Variants in FAM184A observed in about 807,000 individuals in gnomAD.
The protein encoded by FAM184A is family with sequence similarity 184 member A.
FAM184A carries 99 observed loss-of-function variants against 143.8 expected under a neutral mutation model. That is an observed-to-expected ratio of 0.69 (90% confidence interval 0.58 to 0.81). FAM184A has a LOEUF of 0.81. FAM184A is among the 40% of genes least tolerant of loss of function. FAM184A has a pLI of 0.00. For synonymous variants in FAM184A, 427 were observed against 446.4 expected (o/e 0.96, Z 0.55); for missense variants, 1,217 against 1,310.5 (o/e 0.93, Z 1.10).
At chr6:118,976,172 G>GATT in intron 11 of FAM184A, 128 bp from the exon 12 acceptor site, 1 of 817,304 alleles carries the variant, frequency 1.2e-6, no homozygotes. Flanking sequence ...TAAATTAATA[G>GATT]ATTATAAACT....
chr6:118,998,156 G>T (rs1784631117), intron 9 of FAM184A, among the ~76,000 whole-genome samples: 1 of 152,146 alleles, frequency 6.6e-6, no homozygotes. Context: ...TGTCTCAGAT[G>T]ATGATTTCCT....
At chr6:119,030,634 A>G (rs1486106164) in intron 1 of FAM184A, among the ~76,000 whole-genome samples, 1 of 152,004 alleles carries the variant, frequency 6.6e-6, no homozygotes, top group Non-Finnish European at 1.5e-5. Context: ...TTAAAAATAT[A>G]TATGTAAGGC....
intron 1 of FAM184A, among the ~76,000 whole-genome samples, chr6:119,110,716 A>T (rs556029954): frequency 6.6e-6 from 1 of 152,298 alleles, no homozygotes; most frequent in South Asian, 2.1e-4. Flanking sequence ...AATTTCAAGC[A>T]CTCAGATACT....
intron 5 of FAM184A, among the ~76,000 whole-genome samples, chr6:119,014,610 A>G (rs937938801): frequency 2.0e-5 from 3 of 152,264 alleles, no homozygotes; most frequent in Non-Finnish European, 4.4e-5. Context: ...ATGAAGAGAC[A>G]GCTCAAGAAC....
At chr6:119,028,246 C>G (rs141895845) in intron 1 of FAM184A, among the ~76,000 whole-genome samples, 2 of 152,206 alleles carry the variant, frequency 1.3e-5, no homozygotes, top group African/African-American at 4.8e-5. Flanking sequence ...TGTGTTTTCA[C>G]TGTGCCAGTT....
chr6:119,108,309 C>A (rs1788842710), intron 1 of FAM184A, among the ~76,000 whole-genome samples: 1 of 152,080 alleles, frequency 6.6e-6, no homozygotes, highest in Non-Finnish European at 1.5e-5. Flanking sequence ...GAGATTGGAG[C>A]ACCTGTCTGG....
At position 119,022,084 on chromosome 6, in the gene FAM184A, A is replaced by G. The variant is rs1221486641; in HGVS notation, c.1150+861T>C. Reference sequence around the variant, plus strand: ...TTTTTTTTTTTTTTTTTTTTGATACAGCCTTGCTCTGTTGCTCAGGCTGAA... The same window carrying G: ...TTTTTTTTTTTTTTTTTTTTGATACGGCCTTGCTCTGTTGCTCAGGCTGAA... On this transcript the variant is annotated intron_variant, in intron 3 of 17. Coordinates refer to ENST00000338891, the MANE Select transcript of FAM184A (RefSeq NM_024581.6). Among the ~76,000 whole-genome samples, 18 of 114,052 alleles carry G rather than the reference A, an allele frequency of 1.6e-4. No homozygotes were observed. The Admixed American group carries it at 2.1e-3, about 14-fold the overall frequency. The allele number at this position is 114,052 out of a possible 152,430, so 74.8% of individuals were successfully genotyped here. A position where few individuals can be genotyped will look rare whatever the true frequency, so the allele number is the denominator to read the frequency against.
rs1429469656 is a variant in FAM184A, at chr6:118,974,616, TC to T, written c.2769-43del. ...TAGTTAAGAAAATGTTATTCTGAAG[TC>T]AAGCTTTCAAAACTTTCTATTATTC... On this transcript the variant is annotated intron_variant, in intron 13 of 17. Coordinates refer to ENST00000338891, the MANE Select transcript of FAM184A (RefSeq NM_024581.6). 5 of 1,510,382 alleles carry T rather than the reference TC, an allele frequency of 3.3e-6. No individual in the cohort carries two copies. In the South Asian group the frequency reaches 6.4e-5, roughly 19 times the overall value. 93.6% of individuals were successfully genotyped at this position (1,510,382 alleles called of 1,614,324 possible).
chr6:119,033,724 G>A (rs1284357693), intron 1 of FAM184A, among the ~76,000 whole-genome samples: 1 of 150,286 alleles, frequency 6.7e-6, no homozygotes, highest in Non-Finnish European at 1.5e-5. Flanking sequence ...CACTGCGGTG[G>A]CTCACACCTG....
At chr6:118,974,725 A>T (rs1783797320) in intron 13 of FAM184A, 151 bp from the exon 14 acceptor site, 1 of 664,262 alleles carries the variant, frequency 1.5e-6, no homozygotes, top group African/African-American at 1.9e-5. Context: ...TTTCTGCTAT[A>T]AGCTTCTGGC....
chr6:119,026,859 G>A (rs1019300161), intron 1 of FAM184A, among the ~76,000 whole-genome samples: 19 of 152,072 alleles, frequency 1.2e-4, no homozygotes, highest in African/African-American at 4.6e-4. Context: ...AAATGCCCCT[G>A]TAAAGCTGCC....
rs756285867 is a variant in FAM184A, at chr6:119,006,450, C to T, written c.1812G>A (p.Val604=). Residue 604 remains valine, a synonymous_variant, in exon 7 of 18, where the codon GTG becomes GTA. Transcript: ENST00000338891. ...LKETKDALLN[V]EGELEQERQQ... Reference sequence around the variant, plus strand: ...TGCAGTAGAATTATGAAATTACCTCCACATTTAATAGAGCATCCTTGGTCT... The same window carrying T: ...TGCAGTAGAATTATGAAATTACCTCTACATTTAATAGAGCATCCTTGGTCT... The T allele has an allele frequency of 6.2e-7, 1 of 1,604,262 alleles. No homozygotes were observed. The highest frequency in any genetic ancestry group is 1.3e-5 in the African/African-American group (1 of 74,548).
At chr6:118,975,408 A>G (rs1363691414) in intron 12 of FAM184A, among the ~76,000 whole-genome samples, 200 bp from the exon 13 acceptor site, 1 of 152,246 alleles carries the variant, frequency 6.6e-6, no homozygotes, top group Non-Finnish European at 1.5e-5. Flanking sequence ...ATATAGCTTC[A>G]ATAATGTCAG....
At chr6:119,087,497 C>T (rs1179402545) in intron 1 of FAM184A, among the ~76,000 whole-genome samples, 1 of 152,138 alleles carries the variant, frequency 6.6e-6, no homozygotes, top group African/African-American at 2.4e-5. Context: ...ATGGTCAAAA[C>T]ATCACTAATT....
intron 14 of FAM184A, 44 bp from the exon 15 acceptor site, chr6:118,966,996 C>T: frequency 1.1e-6 from 1 of 932,838 alleles, no homozygotes; most frequent in Non-Finnish European, 1.7e-6. Flanking sequence ...CACTCAGATA[C>T]ATTCTTCTGT....
In FAM184A at chr6:119,078,329, G is replaced by A; in HGVS notation, c.-30C>T. ...CCAACAGACCCCAGCCGGGGCACCTGTCCCCGCGGGTGGAGGCAGGCCCGT... is the reference window on the plus strand; with the variant it reads ...CCAACAGACCCCAGCCGGGGCACCTATCCCCGCGGGTGGAGGCAGGCCCGT... On this transcript the variant is annotated 5_prime_UTR_variant, in exon 1 of 18. Transcript: ENST00000338891. The surrounding 1 kb of genome is among the most constrained non-coding windows in gnomAD (Gnocchi z 5.5). 1.6e-5 allele frequency: 23 copies of A among 1,422,374 alleles called. No individual in the cohort carries two copies. The highest frequency in any genetic ancestry group is 2.1e-5 in the Non-Finnish European group (23 of 1,093,386). 88.1% of individuals were successfully genotyped at this position (1,422,374 alleles called of 1,614,324 possible).
At chr6:119,049,468 A>G (rs1449297012) in intron 1 of FAM184A, among the ~76,000 whole-genome samples, 3 of 152,164 alleles carry the variant, frequency 2.0e-5, no homozygotes, top group Non-Finnish European at 4.4e-5. Context: ...AATAAAAACA[A>G]AACAAAACAA....
At chr6:119,048,094 G>T (rs947804974) in intron 1 of FAM184A, among the ~76,000 whole-genome samples, 3 of 152,128 alleles carry the variant, frequency 2.0e-5, no homozygotes, top group Admixed American at 6.5e-5. Flanking sequence ...GTGAACAAAT[G>T]TGATTCATCA....
chr6:118,960,062 C>G lies in FAM184A; in HGVS notation c.*41G>C. The G allele has an allele frequency of 2.0e-6, 3 of 1,498,598 alleles. No homozygotes were observed. The highest frequency in any genetic ancestry group is 2.8e-6 in the Non-Finnish European group (3 of 1,083,788). 92.8% of individuals were successfully genotyped at this position (1,498,598 alleles called of 1,614,324 possible). On this transcript the variant is annotated 3_prime_UTR_variant, in exon 18 of 18. Coordinates refer to ENST00000338891, the MANE Select transcript of FAM184A (RefSeq NM_024581.6). ...ATAACAATCTGTATAAAGTCATGCT[C>G]TTAGTAACAGTCTATACAGAGCTGT...
Sources: gnomAD v4.1 joint callset for allele counts (sites outside exome capture counted in the v4.1 genomes callset) on GRCh38, gnomAD v4.1.1 for gene constraint, Gnocchi (gnomAD v3.1) non-coding constraint, MANE v1.5 for transcripts, NCBI Gene and HGNC (gene_info 2026-07-23, HGNC 2026-07-21) for gene names.